Variants in FBXO42 observed in about 807,000 individuals in gnomAD.
FBXO42 encodes F-box only protein 42.
A neutral mutation model predicts 71.7 loss-of-function variants in FBXO42; 12 were observed. That is an observed-to-expected ratio of 0.17 (90% confidence interval 0.11 to 0.27). FBXO42 has a LOEUF of 0.27. Among genes scored for constraint, FBXO42 ranks in the 10% least tolerant of loss-of-function variants. FBXO42 has a pLI of 1.00. For missense variants in FBXO42, 707 were observed against 911.9 expected (o/e 0.78, Z 2.89); for synonymous variants, 325 against 327.5 (o/e 0.99, Z 0.08).
intron 4 of FBXO42, among the ~76,000 whole-genome samples, chr1:16,270,817 C>T (rs2081835545): frequency 6.9e-6 from 1 of 144,238 alleles, no homozygotes; most frequent in Non-Finnish European, 1.5e-5. Context: ...CTTTGAGCAA[C>T]TACTATGTGC....
chr1:16,306,015 C>T (rs1156757160), intron 2 of FBXO42, 96 bp from the exon 3 acceptor site: 4 of 927,182 alleles, frequency 4.3e-6, no homozygotes, highest in Non-Finnish European at 5.1e-6. Flanking sequence ...CATTTTTATA[C>T]AAGTTTCTTT....
rs149301823 is a variant in FBXO42, at chr1:16,312,733, T to C, written c.250+2436A>G. Among the ~76,000 whole-genome samples, 31 of 152,206 alleles carry C rather than the reference T, an allele frequency of 2.0e-4. 1 individual carries two copies. In the East Asian group the frequency reaches 6.0e-3, roughly 29 times the overall value. Reference sequence around the variant, plus strand: ...ACATGTACCACTCTGGTGGGGGATGTTGATAATGGGAGAGGCTATACATGT... The same window carrying C: ...ACATGTACCACTCTGGTGGGGGATGCTGATAATGGGAGAGGCTATACATGT... On this transcript the variant is annotated intron_variant, in intron 2 of 9. Coordinates refer to ENST00000375592, the MANE Select transcript of FBXO42 (RefSeq NM_018994.3).
Position 16,304,673 on chromosome 1 carries a change from A to G in FBXO42, c.367+1130T>C, listed in dbSNP as rs116168793. 9.4e-3 allele frequency among the ~76,000 whole-genome samples: 1,425 copies of G among 152,258 alleles called. 21 individuals carry two copies. Among genetic ancestry groups the G allele is most frequent in the African/African-American group, 0.033 (1,355 of 41,552 alleles). ...CCACTCTGGAGTAGAGAAAAATCCA[A>G]TGAAAAAGCAGAGGGCTGGGCGCGG... On this transcript the variant is annotated intron_variant, in intron 3 of 9. Coordinates refer to ENST00000375592, the MANE Select transcript of FBXO42 (RefSeq NM_018994.3).
intron 1 of FBXO42, among the ~76,000 whole-genome samples, chr1:16,321,698 T>G (rs1392774604): frequency 6.6e-6 from 1 of 152,034 alleles, no homozygotes; most frequent in Non-Finnish European, 1.5e-5. Flanking sequence ...CAAGGGTTTT[T>G]TTTTTTTTTT....
At chr1:16,257,414 T>C (rs2081657909) in intron 4 of FBXO42, among the ~76,000 whole-genome samples, 1 of 152,140 alleles carries the variant, frequency 6.6e-6, no homozygotes, top group African/African-American at 2.4e-5. Flanking sequence ...TGTGAAGGAA[T>C]TCCAGTGAAA....
chr1:16,275,375 C>T (rs1284935668), intron 4 of FBXO42, among the ~76,000 whole-genome samples: 3 of 152,028 alleles, frequency 2.0e-5, no homozygotes, highest in Non-Finnish European at 2.9e-5. Context: ...CTCGGTACTT[C>T]GAGAGGCCAA....
intron 2 of FBXO42, among the ~76,000 whole-genome samples, chr1:16,314,934 A>T (rs2100576235): frequency 6.6e-6 from 1 of 152,266 alleles, no homozygotes; most frequent in East Asian, 1.9e-4. Flanking sequence ...AACTCTAAGA[A>T]TATGAAGCTT....
In FBXO42 at chr1:16,263,682, C is replaced by T. The variant is rs553477696; in HGVS notation, c.503-6923G>A. On this transcript the variant is annotated intron_variant, in intron 4 of 9. Transcript: ENST00000375592. ...AGGTTGCAGTGAGCCAAGATCGCAC[C>T]GTTGCACTCCAGCCTGGGCAACAAG... is the stretch of plus-strand genomic sequence containing the variant. Among the ~76,000 whole-genome samples, 13 of 150,570 alleles carry T rather than the reference C, an allele frequency of 8.6e-5. No individual in the cohort carries two copies. In the South Asian group the frequency reaches 1.3e-3, roughly 15 times the overall value.
At chr1:16,286,134 G>A (rs778818139) in intron 4 of FBXO42, among the ~76,000 whole-genome samples, 37 of 151,934 alleles carry the variant, frequency 2.4e-4, no homozygotes, top group Non-Finnish European at 4.4e-4. Flanking sequence ...CTCCCAAAGT[G>A]CTGATTTTAC....
intron 2 of FBXO42, among the ~76,000 whole-genome samples, chr1:16,307,747 A>G (rs2082267626): frequency 2.0e-5 from 3 of 152,326 alleles, no homozygotes; most frequent in South Asian, 2.1e-4. Flanking sequence ...TACAAAATCT[A>G]TATGAGGAAA....
At chr1:16,324,005 G>C (rs2082430778) in intron 1 of FBXO42, among the ~76,000 whole-genome samples, 1 of 152,006 alleles carries the variant, frequency 6.6e-6, no homozygotes, top group Non-Finnish European at 1.5e-5. Context: ...TGTAGGCTAA[G>C]TACTAAATGC....
chr1:16,297,064 G>A (rs1291106582), intron 3 of FBXO42, among the ~76,000 whole-genome samples: 2 of 151,400 alleles, frequency 1.3e-5, no homozygotes, highest in African/African-American at 2.4e-5. Flanking sequence ...TCAGTCTCCC[G>A]AGTAGGTGTA....
intron 1 of FBXO42, among the ~76,000 whole-genome samples, chr1:16,342,794 C>T (rs953917772): frequency 6.6e-6 from 1 of 151,990 alleles, no homozygotes; most frequent in Non-Finnish European, 1.5e-5. Context: ...GTAATGGGGG[C>T]AGATCTCTCA....
chr1:16,314,740 C>G (rs1469893919), intron 2 of FBXO42, among the ~76,000 whole-genome samples: 1 of 151,896 alleles, frequency 6.6e-6, no homozygotes. Context: ...AAAAATCAGC[C>G]GGGCGTGGTG....
intron 3 of FBXO42, among the ~76,000 whole-genome samples, chr1:16,304,598 T>C (rs1305885259): frequency 6.6e-6 from 1 of 152,152 alleles, no homozygotes; most frequent in Non-Finnish European, 1.5e-5. Flanking sequence ...TTCCTTTGTT[T>C]TCCTCTTAGA....
At chr1:16,318,837 A>C (rs552640217) in intron 1 of FBXO42, among the ~76,000 whole-genome samples, 1 of 152,264 alleles carries the variant, frequency 6.6e-6, no homozygotes, top group Non-Finnish European at 1.5e-5. Context: ...ACGGCCACTC[A>C]GGGGAATCTA....
intron 1 of FBXO42, among the ~76,000 whole-genome samples, chr1:16,322,253 T>G (rs1329212991): frequency 6.6e-6 from 1 of 151,948 alleles, no homozygotes; most frequent in Non-Finnish European, 1.5e-5. Flanking sequence ...AACTATTTAT[T>G]TGGCCCAGTA....
At chr1:16,305,075 C>T (rs1414666163) in intron 3 of FBXO42, among the ~76,000 whole-genome samples, 2 of 152,170 alleles carry the variant, frequency 1.3e-5, no homozygotes, top group East Asian at 3.9e-4. Flanking sequence ...TCTCATTTTA[C>T]ATTCTCTTCA....
At chr1:16,322,921 C>G (rs2082419823) in intron 1 of FBXO42, among the ~76,000 whole-genome samples, 1 of 152,176 alleles carries the variant, frequency 6.6e-6, no homozygotes, top group South Asian at 2.1e-4. Context: ...GGGAATGAAA[C>G]TGCTATGCAT....
Sources: allele counts gnomAD v4.1 joint callset (sites outside exome capture counted in the v4.1 genomes callset), GRCh38; gene constraint gnomAD v4.1.1; transcripts MANE v1.5; gene names NCBI Gene and HGNC (gene_info 2026-07-23, HGNC 2026-07-21).